The following PRKAR1B variants were observed in gnomAD, a reference collection of about 807,000 sequenced individuals.
PRKAR1B encodes protein kinase cAMP-dependent type I regulatory subunit beta.
A neutral mutation model predicts 46.5 loss-of-function variants in PRKAR1B; 22 were observed. The ratio of observed to expected loss-of-function variants is 0.47; its 90% CI spans 0.34 to 0.68. The LOEUF is 0.68. Among genes scored for constraint, PRKAR1B ranks in the 30% least tolerant of loss-of-function variants. The probability of loss-of-function intolerance (pLI) is 0.01; values close to 1 mark genes in which losing one functional copy is unlikely to be tolerated. For missense variants in PRKAR1B, 445 were observed against 535.6 expected (o/e 0.83, Z 1.67); for synonymous variants, 259 against 217.7 (o/e 1.19, Z -1.67).
intron 4 of PRKAR1B, among the ~76,000 whole-genome samples, chr7:630,195 G>T (rs979251811): frequency 1.3e-5 from 2 of 152,236 alleles, no homozygotes; most frequent in African/African-American, 4.8e-5. Flanking sequence ...CAGGACCAGG[G>T]CACTTGAAAG....
intron 9 of PRKAR1B, among the ~76,000 whole-genome samples, chr7:571,031 G>C (rs558856276): frequency 1.3e-5 from 2 of 152,324 alleles, no homozygotes; most frequent in African/African-American, 2.4e-5. Context: ...CCCCGGGACC[G>C]GAGCTGATGC....
At chr7:571,444 C>A (rs1029158491) in intron 9 of PRKAR1B, among the ~76,000 whole-genome samples, 1 of 152,226 alleles carries the variant, frequency 6.6e-6, no homozygotes, top group Non-Finnish European at 1.5e-5. Context: ...AGGCGCGGGG[C>A]TCTGATGAGC....
At chr7:656,296 A>G (rs966947878) in intron 4 of PRKAR1B, among the ~76,000 whole-genome samples, 3 of 151,876 alleles carry the variant, frequency 2.0e-5, no homozygotes, top group East Asian at 3.9e-4. Flanking sequence ...ATGAGTGGAT[A>G]CATGAGCTAA....
At position 626,004 on chromosome 7, in the gene PRKAR1B, A is replaced by G. The variant is rs975187086; in HGVS notation, c.441-18552T>C. Among the ~76,000 whole-genome samples, 26 of 62,528 alleles carry G rather than the reference A, an allele frequency of 4.2e-4. No individual in the cohort carries two copies. In the East Asian group the frequency reaches 0.012, roughly 28 times the overall value. 41.0% of individuals were successfully genotyped at this position (62,528 alleles called of 152,430 possible). On this transcript the variant is annotated intron_variant, in intron 4 of 10. Transcript: ENST00000537384. ...GCCTGGGTGACAAGAGCAAAACTCC[A>G]TCTCAAAAAAAAAAAAAAAAAAAGA...
intron 7 of PRKAR1B, among the ~76,000 whole-genome samples, chr7:588,618 ATGG>A (rs1226780793): frequency 8.5e-6 from 1 of 117,516 alleles, no homozygotes. Flanking sequence ...GATGGTGGTG[ATGG>A]TGATGGTGGT....
At chr7:625,054 T>C (rs576688471) in intron 4 of PRKAR1B, among the ~76,000 whole-genome samples, 3 of 152,224 alleles carry the variant, frequency 2.0e-5, no homozygotes, top group South Asian at 2.1e-4. Flanking sequence ...AGAAATCATA[T>C]AGTGCATGCT....
chr7:683,396 G>C (rs762574175), intron 2 of PRKAR1B, among the ~76,000 whole-genome samples: 40 of 152,270 alleles, frequency 2.6e-4, no homozygotes, highest in Admixed American at 9.8e-4. Context: ...AAGTCAGCCA[G>C]GTGCACCGGT....
intron 7 of PRKAR1B, among the ~76,000 whole-genome samples, chr7:590,470 G>A (rs763012863): frequency 6.6e-6 from 1 of 152,232 alleles, no homozygotes; most frequent in African/African-American, 2.4e-5. Context: ...CCAGCAGGGT[G>A]GGGGCGGGGC....
chr7:698,824 G>A (rs1202382290), intron 2 of PRKAR1B, among the ~76,000 whole-genome samples: 4 of 152,110 alleles, frequency 2.6e-5, no homozygotes, highest in African/African-American at 7.2e-5. Flanking sequence ...GCATCTGGGC[G>A]AGTGTGTGTA....
Position 701,317 on chromosome 7 carries a change from AAAAG to A in PRKAR1B, c.177+10008_177+10011del, listed in dbSNP as rs1483260987. 9.9e-5 allele frequency among the ~76,000 whole-genome samples: 15 copies of A among 151,482 alleles called. No individual in the cohort carries two copies. In the East Asian group the frequency reaches 2.9e-3, roughly 29 times the overall value. On this transcript the variant is annotated intron_variant, in intron 2 of 10. Transcript: ENST00000537384. ...AAGAAAGAAAAAGAAAGAAAGAAAG[AAAAG>A]AAAGAGAAGAAAAGAAAAGAAAAAG...
intron 4 of PRKAR1B, among the ~76,000 whole-genome samples, chr7:639,544 A>G (rs1371418950): frequency 1.3e-5 from 2 of 152,212 alleles, no homozygotes; most frequent in African/African-American, 4.8e-5. Context: ...TAACCGCAAA[A>G]GCATAATTGA....
intron 8 of PRKAR1B, among the ~76,000 whole-genome samples, chr7:583,657 TGC>T (rs1491448278): frequency 4.7e-5 from 5 of 107,044 alleles, no homozygotes; most frequent in African/African-American, 1.2e-4. Flanking sequence ...TGCACACCCA[TGC>T]GCACACACCC....
chr7:603,999 C>T (rs1291504322), intron 6 of PRKAR1B, among the ~76,000 whole-genome samples: 1 of 152,204 alleles, frequency 6.6e-6, no homozygotes, highest in African/African-American at 2.4e-5. Flanking sequence ...CCATCCCATA[C>T]CTCCCGCAGA....
intron 1 of PRKAR1B, among the ~76,000 whole-genome samples, chr7:721,322 T>C (rs746035787): frequency 1.3e-5 from 2 of 152,206 alleles, no homozygotes; most frequent in Non-Finnish European, 2.9e-5. Context: ...TTGTCTCAAC[T>C]TTCTGGAGGC....
At chr7:678,818 G>T (rs1778492567) in intron 3 of PRKAR1B, among the ~76,000 whole-genome samples, 1 of 152,226 alleles carries the variant, frequency 6.6e-6, no homozygotes, top group Non-Finnish European at 1.5e-5. Context: ...GGGCGTGGTG[G>T]CTCACACCTG....
At chr7:642,746 AAAAG>A (rs968245293) in intron 4 of PRKAR1B, among the ~76,000 whole-genome samples, 5 of 146,970 alleles carry the variant, frequency 3.4e-5, no homozygotes, top group Admixed American at 6.7e-5. Flanking sequence ...AAAAAAAAAA[AAAAG>A]AAAGAAACAA....
Position 666,011 on chromosome 7 carries a change from C to T in PRKAR1B, c.440+11218G>A, listed in dbSNP as rs761051789. ...GGAAGGCCGCCTCAAGGGTGAGGTGCCCTCGCCTGTGCCCGTCTGGCAGCT... is the reference window on the plus strand; with the variant it reads ...GGAAGGCCGCCTCAAGGGTGAGGTGTCCTCGCCTGTGCCCGTCTGGCAGCT... On this transcript the variant is annotated intron_variant, in intron 4 of 10. Transcript: ENST00000537384. This position sits in a 1 kb window ranked among gnomAD's most constrained non-coding sequence, Gnocchi z 4.9. 1.3e-5 allele frequency among the ~76,000 whole-genome samples: 2 copies of T among 152,196 alleles called. No homozygotes were observed. The highest frequency in any genetic ancestry group is 2.9e-5 in the Non-Finnish European group (2 of 68,038).
chr7:702,599 G>A (rs1355867931), intron 2 of PRKAR1B, among the ~76,000 whole-genome samples: 2 of 152,044 alleles, frequency 1.3e-5, no homozygotes, highest in African/African-American at 2.4e-5. Flanking sequence ...CGAGGCAGGC[G>A]GATCACGAGG....
At chr7:558,987 G>A (rs1019727759) in intron 9 of PRKAR1B, among the ~76,000 whole-genome samples, 2 of 152,186 alleles carry the variant, frequency 1.3e-5, no homozygotes, top group South Asian at 2.1e-4. Flanking sequence ...CGTGGACGGC[G>A]GCCCCGTCCC....
Sources: gnomAD v4.1 joint callset for allele counts (sites outside exome capture counted in the v4.1 genomes callset) on GRCh38, gnomAD v4.1.1 for gene constraint, Gnocchi (gnomAD v3.1) non-coding constraint, MANE v1.5 for transcripts, NCBI Gene and HGNC (gene_info 2026-07-23, HGNC 2026-07-21) for gene names.